TBXAS1: variants seen among roughly 807,000 people sequenced by gnomAD.
TBXAS1 encodes thromboxane A synthase 1.
A neutral mutation model predicts 60.7 loss-of-function variants in TBXAS1; 48 were observed. The observed-to-expected ratio is 0.79, with a 90% CI of 0.63 to 1.01. TBXAS1 has a LOEUF of 1.01. Ranked by LOEUF, TBXAS1 falls within the 50% of genes least tolerant of loss-of-function variation. The pLI is 0.00. For synonymous variants in TBXAS1, 287 were observed against 269.7 expected (o/e 1.06, Z -0.63); for missense variants, 685 against 686.3 (o/e 1.00, Z 0.02).
intron 4 of TBXAS1, among the ~76,000 whole-genome samples, chr7:139,804,998 A>G (rs1047965065): frequency 2.0e-5 from 3 of 152,262 alleles, no homozygotes; most frequent in Non-Finnish European, 4.4e-5. Flanking sequence ...AATGGATTTC[A>G]CAGCTTACCT....
intron 1 of TBXAS1, among the ~76,000 whole-genome samples, chr7:139,840,706 G>A (rs886367561): frequency 2.0e-5 from 3 of 152,194 alleles, no homozygotes; most frequent in Non-Finnish European, 2.9e-5. Context: ...CAGGGTTGAC[G>A]TATTGTTTCC....
intron 4 of TBXAS1, among the ~76,000 whole-genome samples, chr7:139,794,496 C>T (rs190229537): frequency 6.6e-6 from 1 of 151,524 alleles, no homozygotes; most frequent in East Asian, 1.9e-4. Flanking sequence ...TCTAGCCAAT[C>T]TTCTGTCTTC....
At chr7:139,980,519 A>G (rs1811886704) in intron 9 of TBXAS1, among the ~76,000 whole-genome samples, 1 of 152,162 alleles carries the variant, frequency 6.6e-6, no homozygotes, top group South Asian at 2.1e-4. Context: ...AGACCAAGAA[A>G]GAAACATGTT....
chr7:139,941,433 GT>G (rs8192834), intron 5 of TBXAS1, among the ~76,000 whole-genome samples: 106,049 of 147,840 alleles, frequency 0.72, 38,174 homozygotes, highest in African/African-American at 0.84. Flanking sequence ...AATTAAAATT[GT>G]TTTTTTTTTT....
intron 1 of TBXAS1, among the ~76,000 whole-genome samples, chr7:139,836,955 C>A (rs775628973): frequency 4.6e-5 from 7 of 152,022 alleles, no homozygotes; most frequent in Non-Finnish European, 8.8e-5. Context: ...TGAACTCAAA[C>A]AAATCAGTAA....
chr7:139,951,950 A>AGAAAG (rs1554496761), intron 5 of TBXAS1, among the ~76,000 whole-genome samples: 2 of 42,008 alleles, frequency 4.8e-5, no homozygotes, highest in Non-Finnish European at 9.6e-5. Context: ...GGAAAGAAAG[A>AGAAAG]AAAGAAAGAA....
At chr7:140,014,906 C>G in intron 10 of TBXAS1, among the ~76,000 whole-genome samples, 1 of 73,062 alleles carries the variant, frequency 1.4e-5, no homozygotes, top group African/African-American at 8.5e-5. Flanking sequence ...AAGACCCTGT[C>G]TCAAAAAAAA....
intron 9 of TBXAS1, among the ~76,000 whole-genome samples, chr7:140,001,713 A>G (rs1288221419): frequency 6.6e-6 from 1 of 152,172 alleles, no homozygotes; most frequent in African/African-American, 2.4e-5. Flanking sequence ...TTTTCTAAAC[A>G]TGACCACAAT....
intron 1 of TBXAS1, among the ~76,000 whole-genome samples, chr7:139,842,603 A>G (rs779688806): frequency 3.3e-5 from 5 of 152,202 alleles, no homozygotes; most frequent in African/African-American, 1.2e-4. Flanking sequence ...TGGTGCTTCA[A>G]TTACTAAGAG....
chr7:139,986,637 C>T (rs1045643181), intron 9 of TBXAS1, among the ~76,000 whole-genome samples: 35 of 151,082 alleles, frequency 2.3e-4, no homozygotes, highest in African/African-American at 8.3e-4. Context: ...TAAGTTACTT[C>T]ACTTAGAATA....
intron 3 of TBXAS1, among the ~76,000 whole-genome samples, chr7:139,894,448 C>T (rs967640457): frequency 1.3e-5 from 2 of 152,104 alleles, no homozygotes; most frequent in African/African-American, 4.8e-5. Flanking sequence ...CTGCTCTCAC[C>T]ACTTAGAAAC....
intron 4 of TBXAS1, among the ~76,000 whole-genome samples, chr7:139,911,852 A>G (rs1805551833): frequency 6.6e-6 from 1 of 152,240 alleles, no homozygotes; most frequent in Admixed American, 6.5e-5. Flanking sequence ...ACATGCATGT[A>G]CATATCCCTT....
At chr7:139,791,034 G>A (rs928057300) in intron 4 of TBXAS1, among the ~76,000 whole-genome samples, 1 of 152,122 alleles carries the variant, frequency 6.6e-6, no homozygotes, top group Non-Finnish European at 1.5e-5. Context: ...GAACTCTTGA[G>A]CCCAAGCCAT....
In TBXAS1 at chr7:139,809,642, G is replaced by T. The variant is rs927596570; in HGVS notation, c.-79-19670G>T. On this transcript the variant is annotated intron_variant, in intron 4 of 16. Transcript: ENST00000336425. ...GCTGAAGGCTTGAGAACTTGAGGGG[G>T]TCTGCTGGTACAAGTTCCAGAGTCC... Among the ~76,000 whole-genome samples the T allele has an allele frequency of 4.6e-5, 7 of 152,276 alleles. No homozygotes were observed. The East Asian group carries it at 9.7e-4, about 21-fold the overall frequency.
At chr7:139,861,250 T>C (rs1800942253) in intron 1 of TBXAS1, among the ~76,000 whole-genome samples, 2 of 151,946 alleles carry the variant, frequency 1.3e-5, no homozygotes, top group South Asian at 4.2e-4. Context: ...TTACTATACA[T>C]ATAGACAGGG....
intron 8 of TBXAS1, among the ~76,000 whole-genome samples, chr7:139,960,667 ACCTGG>A (rs2117370539): frequency 6.6e-6 from 1 of 151,428 alleles, no homozygotes; most frequent in African/African-American, 2.4e-5. Context: ...GATCACTTGA[ACCTGG>A]GAGGTGGAGG....
chr7:139,952,629 C>A (rs377719655), intron 5 of TBXAS1: 28 of 1,537,224 alleles, frequency 1.8e-5, no homozygotes, highest in South Asian at 1.5e-4. Context: ...TCCACCCACC[C>A]GTTTGTCGAA....
At chr7:139,970,185 C>A (rs1329029818) in intron 9 of TBXAS1, among the ~76,000 whole-genome samples, 3 of 152,244 alleles carry the variant, frequency 2.0e-5, no homozygotes, top group Non-Finnish European at 2.9e-5. Flanking sequence ...TGGCTCACTG[C>A]AGCCTCCATC....
rs74365548 is a variant in TBXAS1, at chr7:139,994,690, A to T, written c.1135-12401A>T. 5.0e-3 allele frequency among the ~76,000 whole-genome samples: 756 copies of T among 152,342 alleles called. 6 individuals carry two copies. Among genetic ancestry groups the T allele is most frequent in the African/African-American group, 0.017 (711 of 41,578 alleles). ...TTTCTACCCAGAAAATTCTGAGCCCAGACAATGGCTCATTTATTTCAGACA... is the reference window on the plus strand; with the variant it reads ...TTTCTACCCAGAAAATTCTGAGCCCTGACAATGGCTCATTTATTTCAGACA... On this transcript the variant is annotated intron_variant, in intron 9 of 12. Transcript: ENST00000448866.
Sources: allele counts gnomAD v4.1 joint callset (sites outside exome capture counted in the v4.1 genomes callset), GRCh38; gene constraint gnomAD v4.1.1; transcripts MANE v1.5; gene names NCBI Gene and HGNC (gene_info 2026-07-23, HGNC 2026-07-21).